Variants in ANAPC15 observed in about 807,000 individuals in gnomAD.
The protein encoded by ANAPC15 is anaphase-promoting complex subunit 15.
A neutral mutation model predicts 19.8 loss-of-function variants in ANAPC15; 13 were observed. The ratio of observed to expected loss-of-function variants is 0.66; its 90% confidence interval spans 0.43 to 1.04. The LOEUF is 1.04. ANAPC15 is among the 50% of genes least tolerant of loss of function. The pLI is 0.00. For synonymous variants in ANAPC15, 45 were observed against 50.7 expected (o/e 0.89, Z 0.47); for missense variants, 88 against 150.3 (o/e 0.59, Z 2.17).
rs1488202885 is a variant in ANAPC15 at position 72,112,650 on chromosome 11, CGCGCCGGGAG to C, written c.-106_-97del. ...GTTGCAGCCTTGCGTCTGTACTTAC[CGCGCCGGGAG>C]GCTGCTGCCGGCGGCGACCCGGAAG... On this transcript the variant is annotated splice_region_variant and 5_prime_UTR_variant, in exon 1 of 6. Coordinates refer to ENST00000227618, the MANE Select transcript of ANAPC15 (RefSeq NM_014042.3). 1 of 456,614 alleles carries C rather than the reference CGCGCCGGGAG, an allele frequency of 2.2e-6. No homozygotes were observed. The highest frequency in any genetic ancestry group is 6.9e-5 in the East Asian group (1 of 14,408). The allele number at this position is 456,614 out of a possible 1,614,324, so 28.3% of individuals were successfully genotyped here.
downstream of ANAPC15, chr11:72,106,998 G>GCT (rs1453159130): frequency 6.0e-6 from 1 of 166,614 alleles, no homozygotes; most frequent in East Asian, 1.7e-4. Context: ...GGGCATGGTG[G>GCT]CTCATGCCTG....
At chr11:72,112,745 G>C (rs901066422), upstream of ANAPC15, 26 of 456,416 alleles carry the variant, frequency 5.7e-5, no homozygotes, top group African/African-American at 5.0e-4. Flanking sequence ...AAACGCATGC[G>C]TCCTTCGTCT....
At chr11:72,108,663 A>C, downstream of ANAPC15, 1 of 1,527,038 alleles carries the variant, frequency 6.5e-7, no homozygotes, top group Non-Finnish European at 8.8e-7. Flanking sequence ...ACCCAGTATC[A>C]GCTGAGTCGG....
chr11:72,106,455 G>C (rs547157797), downstream of ANAPC15: 6 of 405,150 alleles, frequency 1.5e-5, no homozygotes, highest in African/African-American at 1.2e-4. Context: ...CCACAGAGAT[G>C]AATGAGCCAC....
At position 72,110,619 on chromosome 11, in the gene ANAPC15, C is replaced by A; in HGVS notation, c.121-16G>T. 6.2e-7 allele frequency: 1 copy of A among 1,614,186 alleles called. No individual in the cohort carries two copies. Among genetic ancestry groups the A allele is most frequent in the Middle Eastern group, 1.6e-4 (1 of 6,062 alleles). Reference sequence around the variant, plus strand: ...TGCTTTGGAGCTGTGGGCAAAGGCACAGAGGAACAAGGCCAGAGCCCAAGT... The same window carrying A: ...TGCTTTGGAGCTGTGGGCAAAGGCAAAGAGGAACAAGGCCAGAGCCCAAGT... On this transcript the variant is annotated splice_polypyrimidine_tract_variant and intron_variant, in intron 3 of 5. Transcript: ENST00000227618.
rs1363123861 is a variant in ANAPC15 at position 72,110,035 on chromosome 11, G to A, written c.318+53C>T. On this transcript the variant is annotated intron_variant, in intron 5 of 5. Coordinates refer to ENST00000227618, the MANE Select transcript of ANAPC15 (RefSeq NM_014042.3). ...TTCTGTACCCCTTGGCCATCAACTG[G>A]GTCAGGAGCAAGGGTCCAGGAACAG... The A allele has an allele frequency of 2.5e-6, 4 of 1,613,864 alleles. No homozygotes were observed. In the South Asian group the frequency reaches 3.3e-5, roughly 13 times the overall value.
downstream of ANAPC15, chr11:72,109,108 G>A (rs1946060402): frequency 1.7e-6 from 1 of 605,802 alleles, no homozygotes; most frequent in African/African-American, 1.9e-5. Context: ...AGTTCTATCA[G>A]GCTGCTTGGT....
At chr11:72,109,954 G>A (rs1406679455) in intron 5 of ANAPC15, 26 bp from the exon 6 acceptor site, 2 of 1,613,964 alleles carry the variant, frequency 1.2e-6, no homozygotes, top group Non-Finnish European at 1.7e-6. Context: ...GGTGTGGGTG[G>A]GGAGGGGCCT....
In ANAPC15 at chr11:72,110,080, T is replaced by C. The variant is rs769088945; in HGVS notation, c.318+8A>G. On this transcript the variant is annotated splice_region_variant and intron_variant, in intron 5 of 5. Transcript: ENST00000227618. ...GAACAGAGGCCCTCCCCCATACCCCTTGCCTACCTCATTGACCTCTCCATC... is the reference window on the plus strand; with the variant it reads ...GAACAGAGGCCCTCCCCCATACCCCCTGCCTACCTCATTGACCTCTCCATC... 3 of 1,613,958 alleles carry C rather than the reference T, an allele frequency of 1.9e-6. No individual in the cohort carries two copies. Among genetic ancestry groups the C allele is most frequent in the East Asian group, 2.2e-5 (1 of 44,794 alleles).
intron 1 of ANAPC15, 25 bp downstream of exon 1, chr11:72,112,625 G>C (rs1020085652): frequency 4.4e-6 from 2 of 455,302 alleles, no homozygotes; most frequent in Admixed American, 4.8e-5. Context: ...CAAGGAGACG[G>C]TTGCAGCCTT....
intron 3 of ANAPC15, 53 bp from the exon 4 acceptor site, chr11:72,110,656 GGGGCATGGGACT>G: frequency 6.2e-7 from 1 of 1,608,454 alleles, no homozygotes; most frequent in Non-Finnish European, 8.5e-7. Context: ...GGGCAGGTCA[GGGGCATGGGACT>G]GGCCCATTCT....
chr11:72,107,571 T>C (rs1945805900), downstream of ANAPC15: 3 of 701,796 alleles, frequency 4.3e-6, no homozygotes, highest in Admixed American at 2.0e-5. Context: ...ATGGCTGTGA[T>C]ACAGGCCACA....
downstream of ANAPC15, chr11:72,107,831 T>C: frequency 7.1e-7 from 1 of 1,416,600 alleles, no homozygotes; most frequent in Non-Finnish European, 9.7e-7. Context: ...GGTTGGGAGC[T>C]GCAGTGAGGC....
At chr11:72,109,326 C>A (rs1365856067), downstream of ANAPC15, 1 of 468,120 alleles carries the variant, frequency 2.1e-6, no homozygotes, top group Non-Finnish European at 4.2e-6. Flanking sequence ...GCCTCCCATC[C>A]TCAGCCCATG....
intron 3 of ANAPC15, 51 bp downstream of exon 3, chr11:72,111,103 AAGG>A: frequency 9.5e-7 from 1 of 1,047,894 alleles, no homozygotes; most frequent in Non-Finnish European, 1.3e-6. Flanking sequence ...TGGCCCACTG[AAGG>A]AGGTCTCTGT....
downstream of ANAPC15, chr11:72,106,676 G>T (rs1945717847): frequency 6.5e-6 from 1 of 153,004 alleles, no homozygotes; most frequent in Admixed American, 6.5e-5. Context: ...TGTGGTGGCT[G>T]GTGCCTGTAA....
chr11:72,108,549 T>C, downstream of ANAPC15: 1 of 1,410,536 alleles, frequency 7.1e-7, no homozygotes, highest in Non-Finnish European at 9.3e-7. Context: ...TGGTGGGGTC[T>C]TGACTGGGAG....
At chr11:72,110,802 CT>C (rs1309174770) in intron 3 of ANAPC15, 199 bp from the exon 4 acceptor site, 8 of 600,292 alleles carry the variant, frequency 1.3e-5, no homozygotes, top group East Asian at 2.8e-5. Context: ...TCTGAGCCTT[CT>C]TTTTTTTGTA....
chr11:72,109,081 A>C (rs571179861), downstream of ANAPC15: 98 of 646,604 alleles, frequency 1.5e-4, 1 homozygote, highest in African/African-American at 1.6e-3. Flanking sequence ...CAGCCTCTAC[A>C]CTGACCTCAA....
Sources: allele counts gnomAD v4.1 joint callset, GRCh38; gene constraint gnomAD v4.1.1; transcripts MANE v1.5; gene names NCBI Gene and HGNC (gene_info 2026-07-23, HGNC 2026-07-21).